ROBO2: variants seen among roughly 807,000 people sequenced by gnomAD.
The protein encoded by ROBO2 is roundabout guidance receptor 2.
ROBO2 carries 53 observed loss-of-function variants against 160.8 expected under a neutral mutation model. The ratio of observed to expected loss-of-function variants is 0.33; its 90% confidence interval spans 0.26 to 0.41. The LOEUF (loss-of-function observed/expected upper bound fraction) is 0.41, where lower values mean the gene tolerates loss of function less well. ROBO2 is among the 10% of genes least tolerant of loss of function. The pLI, the probability that ROBO2 is intolerant of heterozygous loss-of-function variation, is 1.00. For synonymous variants in ROBO2, 664 were observed against 611.7 expected, an observed-to-expected ratio of 1.09 and a Z score of -1.26; for missense variants, 1,577 against 1,722.4, an observed-to-expected ratio of 0.92 and a Z score of 1.49.
chr3:76,151,255 T>G (rs980053445), intron 2 of ROBO2, among the ~76,000 whole-genome samples: 1 of 152,168 alleles, frequency 6.6e-6, no homozygotes, highest in East Asian at 1.9e-4. Context: ...TTTCCTATAA[T>G]GCTCATATGG....
At chr3:76,559,591 T>C (rs1384025933) in intron 2 of ROBO2, among the ~76,000 whole-genome samples, 1 of 152,070 alleles carries the variant, frequency 6.6e-6, no homozygotes, top group Non-Finnish European at 1.5e-5. Context: ...TCCCAAGTCT[T>C]TGGCCAAAAG....
At chr3:75,967,002 G>A (rs1949139403) in intron 2 of ROBO2, among the ~76,000 whole-genome samples, 1 of 151,686 alleles carries the variant, frequency 6.6e-6, no homozygotes. Flanking sequence ...CACAATGTGT[G>A]TGTGTGTGCA....
At chr3:76,219,687 G>A (rs1344011244) in intron 2 of ROBO2, among the ~76,000 whole-genome samples, 1 of 152,178 alleles carries the variant, frequency 6.6e-6, no homozygotes. Context: ...ACAGGTGATG[G>A]AGAGGATGTG....
chr3:76,308,336 C>A (rs140451030), intron 2 of ROBO2, among the ~76,000 whole-genome samples: 1 of 137,206 alleles, frequency 7.3e-6, no homozygotes, highest in South Asian at 2.3e-4. Flanking sequence ...GAGATCGCAC[C>A]ACTGCCCTCC....
intron 2 of ROBO2, among the ~76,000 whole-genome samples, chr3:76,820,716 G>A (rs1009964420): frequency 2.6e-5 from 4 of 151,958 alleles, no homozygotes; most frequent in Admixed American, 6.6e-5. Context: ...GTGGATTGAA[G>A]TATGAGAGTC....
chr3:76,769,082 G>A (rs536919983), intron 2 of ROBO2, among the ~76,000 whole-genome samples: 3 of 151,428 alleles, frequency 2.0e-5, no homozygotes, highest in Non-Finnish European at 4.4e-5. Context: ...TTTCATCCTT[G>A]GCCGTGTAGA....
At chr3:76,011,666 A>G (rs947545117) in intron 2 of ROBO2, among the ~76,000 whole-genome samples, 6 of 152,196 alleles carry the variant, frequency 3.9e-5, no homozygotes, top group Non-Finnish European at 7.3e-5. Flanking sequence ...GGGAACTTAA[A>G]TATTGGGGAT....
chr3:76,776,026 A>G (rs546580940), intron 2 of ROBO2, among the ~76,000 whole-genome samples: 28 of 150,958 alleles, frequency 1.9e-4, no homozygotes, highest in Non-Finnish European at 3.6e-4. Flanking sequence ...CAGTTTCTGT[A>G]TCATTCACAT....
At chr3:76,526,717 T>C (rs899255131) in intron 2 of ROBO2, among the ~76,000 whole-genome samples, 7 of 152,026 alleles carry the variant, frequency 4.6e-5, no homozygotes, top group Non-Finnish European at 1.5e-5. Context: ...ACACAAACCA[T>C]TTATAGGAGT....
intron 2 of ROBO2, among the ~76,000 whole-genome samples, chr3:76,226,899 A>G (rs1449445611): frequency 6.6e-6 from 1 of 152,184 alleles, no homozygotes; most frequent in Non-Finnish European, 1.5e-5. Context: ...TATAAAAATA[A>G]ATGTACTCAC....
chr3:77,083,158 A>G (rs1444401643), intron 1 of ROBO2, among the ~76,000 whole-genome samples: 1 of 152,170 alleles, frequency 6.6e-6, no homozygotes, highest in Non-Finnish European at 1.5e-5. Context: ...AAGTTCTAAT[A>G]TAGTAAGTGA....
intron 2 of ROBO2, among the ~76,000 whole-genome samples, chr3:76,681,244 A>C (rs1227060864): frequency 6.6e-6 from 1 of 152,202 alleles, no homozygotes; most frequent in Non-Finnish European, 1.5e-5. Flanking sequence ...AACACTATAA[A>C]GTATCGTCTG....
chr3:76,658,238 G>A (rs924787791), intron 2 of ROBO2, among the ~76,000 whole-genome samples: 10 of 151,208 alleles, frequency 6.6e-5, no homozygotes, highest in Admixed American at 6.6e-5. Flanking sequence ...TTTTTGGTGT[G>A]TGTTCTTCCA....
intron 2 of ROBO2, among the ~76,000 whole-genome samples, chr3:76,987,906 C>T (rs1446495700): frequency 6.6e-6 from 1 of 151,670 alleles, no homozygotes; most frequent in Non-Finnish European, 1.5e-5. Context: ...AACTCTGTCA[C>T]GTAAAGATAA....
intron 2 of ROBO2, among the ~76,000 whole-genome samples, chr3:76,353,251 CGA>C: frequency 1.3e-5 from 2 of 151,954 alleles, no homozygotes; most frequent in South Asian, 4.1e-4. Context: ...AGAGAATGAG[CGA>C]GAGAGTTTTA....
intron 2 of ROBO2, among the ~76,000 whole-genome samples, chr3:76,732,240 A>G (rs1378730381): frequency 6.6e-6 from 1 of 152,172 alleles, no homozygotes; most frequent in African/African-American, 2.4e-5. Flanking sequence ...AGTATGGGGA[A>G]GTCTTAGAAG....
exon 11 of ROBO2, chr3:77,563,243 T>C: frequency 1.2e-6 from 2 of 1,613,704 alleles, no homozygotes; most frequent in Non-Finnish European, 1.7e-6. Context: ...AGGTCACTGA[T>C]GTTACTAAGA....
intron 2 of ROBO2, among the ~76,000 whole-genome samples, chr3:76,612,359 G>A (rs771086139): frequency 6.6e-6 from 1 of 152,182 alleles, no homozygotes; most frequent in Non-Finnish European, 1.5e-5. Flanking sequence ...GGGTGTTGAA[G>A]TCTCCAGCTA....
At chr3:77,408,932 C>T (rs1427473299) in intron 2 of ROBO2, among the ~76,000 whole-genome samples, 1 of 151,806 alleles carries the variant, frequency 6.6e-6, no homozygotes, top group African/African-American at 2.4e-5. Flanking sequence ...TAGGTCCTTG[C>T]TTTGTTGCCC....
Sources: allele counts gnomAD v4.1 joint callset (sites outside exome capture counted in the v4.1 genomes callset), GRCh38; gene constraint gnomAD v4.1.1; transcripts MANE v1.5; gene names NCBI Gene and HGNC (gene_info 2026-07-23, HGNC 2026-07-21).